The following FBXL7 variants were observed in gnomAD, a reference collection of about 807,000 sequenced individuals.
The protein encoded by FBXL7 is F-box/LRR-repeat protein 7.
FBXL7 carries 12 observed loss-of-function variants against 38.3 expected under a neutral mutation model. The ratio of observed to expected loss-of-function variants is 0.31; its 90% CI spans 0.20 to 0.51. FBXL7 has a LOEUF of 0.51. Ranked by LOEUF, FBXL7 falls within the 20% of genes least tolerant of loss-of-function variation. The probability of loss-of-function intolerance (pLI) is 0.98; values close to 1 mark genes in which losing one functional copy is unlikely to be tolerated. For missense variants in FBXL7, 567 were observed against 676.4 expected (o/e 0.84, Z 1.79); for synonymous variants, 297 against 300.9 (o/e 0.99, Z 0.13).
At chr5:15,578,278 A>G (rs1163734259) in intron 1 of FBXL7, among the ~76,000 whole-genome samples, 2 of 152,174 alleles carry the variant, frequency 1.3e-5, no homozygotes, top group African/African-American at 4.8e-5. Flanking sequence ...TTTTGAAATA[A>G]CGAATGTATT....
chr5:15,681,194 CT>C lies in FBXL7; in HGVS notation c.127+65123del, dbSNP rs1742832396. Among the ~76,000 whole-genome samples the C allele has an allele frequency of 2.0e-5, 3 of 152,106 alleles. No individual in the cohort carries two copies. The South Asian group carries it at 6.2e-4, about 32-fold the overall frequency. The stretch of plus-strand genomic sequence containing the variant: ...AAAGCTTCATAAAAAGGCATACCTT[CT>C]AATTTTCAACCTCAATGTGAGGAAT... On this transcript the variant is annotated intron_variant, in intron 2 of 3. Transcript: ENST00000504595.
Position 15,928,161 on chromosome 5 carries a change from G to T in FBXL7, c.399G>T (p.Gln133His), listed in dbSNP as rs1187378052. ...TCTTCTCCTTCCTGCCCACCAACCAGCTGTGCCGCTGCGCGCGAGTGTGCC... is the reference window on the plus strand; with the variant it reads ...TCTTCTCCTTCCTGCCCACCAACCATCTGTGCCGCTGCGCGCGAGTGTGCC... ...VQIFSFLPTN[Q>H]LCRCARVCRR... The change falls in exon 3 of 4, where the codon CAG (glutamine) becomes CAT (histidine). Residue 133 changes from glutamine (Q) to histidine (H), a missense_variant. Physicochemically the swap from Gln to His is conservative, Grantham distance 24. Transcript: ENST00000504595. This position sits in a 1 kb window ranked among gnomAD's most constrained non-coding sequence, Gnocchi z 4.0. 6.2e-7 allele frequency: 1 copy of T among 1,610,578 alleles called. No individual in the cohort carries two copies. Among genetic ancestry groups the T allele is most frequent in the Non-Finnish European group, 8.5e-7 (1 of 1,178,850 alleles).
chr5:15,700,025 A>G (rs1003532663), intron 2 of FBXL7, among the ~76,000 whole-genome samples: 4 of 152,196 alleles, frequency 2.6e-5, no homozygotes, highest in African/African-American at 7.2e-5. Context: ...CTCATAGCCC[A>G]TGCTTTTAAG....
intron 1 of FBXL7, among the ~76,000 whole-genome samples, chr5:15,607,775 G>A (rs1182998323): frequency 6.6e-6 from 1 of 152,242 alleles, no homozygotes; most frequent in Non-Finnish European, 1.5e-5. Flanking sequence ...AGAATTGTAT[G>A]TGTATATATT....
At chr5:15,854,859 C>T (rs1739208628) in intron 2 of FBXL7, among the ~76,000 whole-genome samples, 2 of 152,038 alleles carry the variant, frequency 1.3e-5, no homozygotes, top group South Asian at 2.1e-4. Flanking sequence ...CTAAACTATT[C>T]GATCATAACA....
chr5:15,646,956 C>A (rs1200972458), intron 2 of FBXL7, among the ~76,000 whole-genome samples: 1 of 152,116 alleles, frequency 6.6e-6, no homozygotes, highest in Non-Finnish European at 1.5e-5. Flanking sequence ...TATGTGTTGG[C>A]CCAAATCACA....
intron 2 of FBXL7, among the ~76,000 whole-genome samples, chr5:15,796,216 A>G (rs768916716): frequency 6.6e-6 from 1 of 152,234 alleles, no homozygotes; most frequent in Non-Finnish European, 1.5e-5. Context: ...AATTTCCAAT[A>G]AATAGCCAAC....
At chr5:15,671,855 A>G (rs1225492285) in intron 2 of FBXL7, among the ~76,000 whole-genome samples, 1 of 152,208 alleles carries the variant, frequency 6.6e-6, no homozygotes. Flanking sequence ...GGTCTGATCA[A>G]TCTCATAAAT....
intron 2 of FBXL7, among the ~76,000 whole-genome samples, chr5:15,829,599 C>T (rs1265338424): frequency 6.6e-6 from 1 of 152,122 alleles, no homozygotes; most frequent in Non-Finnish European, 1.5e-5. Flanking sequence ...TATGGTAATG[C>T]TTTAAGATTC....
chr5:15,687,558 A>G (rs1252796363), intron 2 of FBXL7, among the ~76,000 whole-genome samples: 2 of 152,228 alleles, frequency 1.3e-5, no homozygotes, highest in African/African-American at 2.4e-5. Context: ...GACCTTTTGC[A>G]TTAGTTATAA....
chr5:15,506,039 C>G (rs546512013), intron 1 of FBXL7, among the ~76,000 whole-genome samples: 24 of 152,244 alleles, frequency 1.6e-4, no homozygotes, highest in African/African-American at 5.8e-4. Flanking sequence ...GCAGGAATTT[C>G]TTTTTCCTTC....
chr5:15,561,149 G>C (rs760112509), intron 1 of FBXL7, among the ~76,000 whole-genome samples: 1 of 152,074 alleles, frequency 6.6e-6, no homozygotes, highest in Non-Finnish European at 1.5e-5. Context: ...ATTAACTGTA[G>C]TCCACATACT....
At chr5:15,620,216 A>G (rs1231901971) in intron 2 of FBXL7, among the ~76,000 whole-genome samples, 1 of 150,850 alleles carries the variant, frequency 6.6e-6, no homozygotes, top group East Asian at 1.9e-4. Context: ...GTCATCACAA[A>G]CTATTCTTTT....
At chr5:15,769,212 A>G (rs1579447590) in intron 2 of FBXL7, among the ~76,000 whole-genome samples, 1 of 152,212 alleles carries the variant, frequency 6.6e-6, no homozygotes, top group Admixed American at 6.5e-5. Flanking sequence ...GGAACTGCCC[A>G]GTATTCTATT....
intron 2 of FBXL7, among the ~76,000 whole-genome samples, chr5:15,644,304 CAAA>C (rs369213583): frequency 2.0e-4 from 19 of 94,810 alleles, no homozygotes; most frequent in South Asian, 4.8e-4. Flanking sequence ...ACTAAAAATC[CAAA>C]AAAAAAAAAA....
chr5:15,894,898 A>T (rs1227782128), intron 2 of FBXL7, among the ~76,000 whole-genome samples: 2 of 152,156 alleles, frequency 1.3e-5, no homozygotes, highest in Admixed American at 6.5e-5. Context: ...GTGAATGCTA[A>T]TTTTTTAAAA....
At chr5:15,541,453 A>ATG (rs1165940008) in intron 1 of FBXL7, among the ~76,000 whole-genome samples, 1 of 112,052 alleles carries the variant, frequency 8.9e-6, no homozygotes, top group Admixed American at 9.1e-5. Context: ...GTATATATAT[A>ATG]TATATATATA....
chr5:15,659,577 A>C (rs138578804), intron 2 of FBXL7, among the ~76,000 whole-genome samples: 1 of 152,344 alleles, frequency 6.6e-6, no homozygotes, highest in Non-Finnish European at 1.5e-5. Flanking sequence ...AAGATACACA[A>C]ATGCATCCAC....
chr5:15,913,180 CA>C (rs1167076154), intron 2 of FBXL7, among the ~76,000 whole-genome samples: 1 of 150,194 alleles, frequency 6.7e-6, no homozygotes, highest in East Asian at 2.0e-4. Flanking sequence ...GTGCTTTACA[CA>C]AAACTTTATG....
Sources: allele counts gnomAD v4.1 joint callset (sites outside exome capture counted in the v4.1 genomes callset), GRCh38; gene constraint gnomAD v4.1.1; non-coding constraint Gnocchi (gnomAD v3.1); transcripts MANE v1.5; gene names NCBI Gene and HGNC (gene_info 2026-07-23, HGNC 2026-07-21).